Variants in CERS1 observed in about 807,000 individuals in gnomAD.
CERS1 encodes the protein Embryonic growth/differentiation factor 1.
CERS1 carries 16 observed loss-of-function variants against 35.7 expected under a neutral mutation model. The observed-to-expected ratio is 0.45, with a 90% CI of 0.30 to 0.68. The LOEUF is 0.68. CERS1 is among the 30% of genes least tolerant of loss of function. CERS1 has a pLI of 0.08. For synonymous variants in CERS1, 243 were observed against 201.6 expected, an observed-to-expected ratio of 1.21 and a Z score of -1.74; for missense variants, 454 against 453.9, an observed-to-expected ratio of 1.00 and a Z score of 0.00.
At chr19:18,876,940 G>A (rs2056070618) in intron 6 of CERS1, among the ~76,000 whole-genome samples, 2 of 152,142 alleles carry the variant, frequency 1.3e-5, no homozygotes, top group South Asian at 2.1e-4. Flanking sequence ...CTGTCTCCTT[G>A]GTCTCCTCTG....
chr19:18,873,240 A>G (rs2056006012), intron 6 of CERS1, among the ~76,000 whole-genome samples: 1 of 152,104 alleles, frequency 6.6e-6, no homozygotes, highest in Non-Finnish European at 1.5e-5. Context: ...AGATGCTGGA[A>G]ATGTCAAACA....
At chr19:18,893,717 A>G (rs2056554702) in intron 1 of CERS1, 142 bp from the exon 2 acceptor site, 3 of 832,064 alleles carry the variant, frequency 3.6e-6, no homozygotes, top group Non-Finnish European at 5.5e-6. Context: ...AGCCACCTGG[A>G]GCATAAACAG....
chr19:18,895,467 C>T lies in CERS1; in HGVS notation c.249+357G>A, dbSNP rs964328959. ...GGCCGGAGCCATCCACCGCGCGGGG[C>T]CCCCTGGTCCCAAACTGACCGGAAA... On this transcript the variant is annotated intron_variant, in intron 1 of 7. Transcript: ENST00000623882. The surrounding 1 kb of genome is among the most constrained non-coding windows in gnomAD (Gnocchi z 6.4). 6.6e-6 allele frequency among the ~76,000 whole-genome samples: 1 copy of T among 151,780 alleles called. No individual in the cohort carries two copies. Among genetic ancestry groups the T allele is most frequent in the African/African-American group, 2.4e-5 (1 of 41,312 alleles).
At position 18,870,934 on chromosome 19, in the gene CERS1, G is replaced by C. The variant is rs569888260; in HGVS notation, c.1011-315C>G. Among the ~76,000 whole-genome samples, 2 of 151,966 alleles carry C rather than the reference G, an allele frequency of 1.3e-5. No homozygotes were observed. The highest frequency in any genetic ancestry group is 2.9e-5 in the Non-Finnish European group (2 of 68,000). On this transcript the variant is annotated intron_variant, in intron 6 of 7. Transcript: ENST00000623882. This position sits in a 1 kb window ranked among gnomAD's most constrained non-coding sequence, Gnocchi z 5.1. The stretch of plus-strand genomic sequence containing the variant: ...CAGGCCGCTGGAGGGCAAAACCCAC[G>C]TACCGGCCTGGGCCTGACAACTCCA...
intron 6 of CERS1, among the ~76,000 whole-genome samples, chr19:18,873,481 G>A (rs896828448): frequency 6.6e-6 from 1 of 151,948 alleles, no homozygotes; most frequent in Non-Finnish European, 1.5e-5. Context: ...TGGATCACCT[G>A]ACCCTAGGAG....
rs569888260 is a variant in CERS1 at position 18,870,934 on chromosome 19, G to A, written c.1011-315C>T. 1.3e-5 allele frequency among the ~76,000 whole-genome samples: 2 copies of A among 152,084 alleles called. No homozygotes were observed. Among genetic ancestry groups the A allele is most frequent in the South Asian group, 4.2e-4 (2 of 4,818 alleles). ...CAGGCCGCTGGAGGGCAAAACCCAC[G>A]TACCGGCCTGGGCCTGACAACTCCA... On this transcript the variant is annotated intron_variant, in intron 6 of 7. Coordinates refer to ENST00000623882, the MANE Select transcript of CERS1 (RefSeq NM_021267.5). This position sits in a 1 kb window ranked among gnomAD's most constrained non-coding sequence, Gnocchi z 5.1.
rs1601161236 is a variant in CERS1, at chr19:18,878,755, G to A, written c.1010+175C>T. On this transcript the variant is annotated intron_variant, in intron 6 of 7. Transcript: ENST00000623882. The surrounding 1 kb of genome is among the most constrained non-coding windows in gnomAD (Gnocchi z 4.6). ...CCCTTCCTCACTGTCCTGTCCTTCAGGGTACTGGCCACATCGTCCACGCCT... is the reference window on the plus strand; with the variant it reads ...CCCTTCCTCACTGTCCTGTCCTTCAAGGTACTGGCCACATCGTCCACGCCT... 1 of 1,422,150 alleles carries A rather than the reference G, an allele frequency of 7.0e-7. No individual in the cohort carries two copies. Among genetic ancestry groups the A allele is most frequent in the South Asian group, 1.5e-5 (1 of 68,146 alleles). 88.1% of individuals were successfully genotyped at this position (1,422,150 alleles called of 1,614,324 possible). A position where few individuals can be genotyped will look rare whatever the true frequency, so the allele number is the denominator to read the frequency against.
In CERS1 at chr19:18,895,462, CGG is replaced by C. The variant is rs1352320633; in HGVS notation, c.249+360_249+361del. Among the ~76,000 whole-genome samples the C allele has an allele frequency of 6.6e-6, 1 of 151,240 alleles. No homozygotes were observed. Among genetic ancestry groups the C allele is most frequent in the Admixed American group, 6.6e-5 (1 of 15,230 alleles). ...GCGGTGGCCGGAGCCATCCACCGCG[CGG>C]GGCCCCCTGGTCCCAAACTGACCGG... On this transcript the variant is annotated intron_variant, in intron 1 of 7. Coordinates refer to ENST00000623882, the MANE Select transcript of CERS1 (RefSeq NM_021267.5). The surrounding 1 kb of genome is among the most constrained non-coding windows in gnomAD (Gnocchi z 6.4).
intron 2 of CERS1, 97 bp downstream of exon 2, chr19:18,893,319 A>G: frequency 7.3e-7 from 1 of 1,378,990 alleles, no homozygotes; most frequent in Middle Eastern, 1.9e-4. Context: ...GGCTCCAGTG[A>G]TCCTCCTGCT....
chr19:18,896,468 G>A (rs1484759710), upstream of CERS1: 1 of 152,144 alleles, frequency 6.6e-6, no homozygotes, highest in Non-Finnish European at 1.5e-5. The surrounding 1 kb of genome is among the most constrained non-coding windows in gnomAD (Gnocchi z 5.9). Flanking sequence ...GACACTAGCA[G>A]GCAGTCCCCT....
chr19:18,893,785 G>A, intron 1 of CERS1, among the ~76,000 whole-genome samples: 1 of 152,092 alleles, frequency 6.6e-6, no homozygotes, highest in East Asian at 1.9e-4. Context: ...CCGCCGCGGT[G>A]CTGGGAGGGG....
At chr19:18,885,896 C>T (rs574693506) in intron 2 of CERS1, among the ~76,000 whole-genome samples, 3 of 152,260 alleles carry the variant, frequency 2.0e-5, no homozygotes, top group South Asian at 2.1e-4. Flanking sequence ...CTGACAGATG[C>T]GGCTGCCCAC....
At chr19:18,883,844 GCCTGTTTCAC>G (rs1157792720) in intron 3 of CERS1, among the ~76,000 whole-genome samples, 1 of 152,134 alleles carries the variant, frequency 6.6e-6, no homozygotes, top group Non-Finnish European at 1.5e-5. Context: ...GGCTCTCTGG[GCCTGTTTCAC>G]CCCATCCCAG....
intron 1 of CERS1, among the ~76,000 whole-genome samples, chr19:18,894,511 G>C (rs926094642): frequency 1.3e-5 from 2 of 152,150 alleles, no homozygotes; most frequent in Non-Finnish European, 2.9e-5. Flanking sequence ...CACCCAAGGG[G>C]CTGGGGAGGG....
At chr19:18,879,491 C>T (rs2056141372) in intron 4 of CERS1, 103 bp from the exon 5 acceptor site, 2 of 1,356,170 alleles carry the variant, frequency 1.5e-6, no homozygotes, top group South Asian at 1.4e-5. Context: ...CTTATCCCAT[C>T]CTTGCCCACC....
rs2056550951 is a variant in CERS1, at chr19:18,893,592, AGGCG to A, written c.250-21_250-18del. The A allele has an allele frequency of 6.3e-7, 1 of 1,598,072 alleles. No homozygotes were observed. Among genetic ancestry groups the A allele is most frequent in the Non-Finnish European group, 8.5e-7 (1 of 1,174,062 alleles). On this transcript the variant is annotated intron_variant, in intron 1 of 7. Transcript: ENST00000623882. ...CGCCAGGGGCTATGGGGGAGAAGAC[AGGCG>A]GGCAGCCATTGGTGCTGGGGGCCAG...
chr19:18,869,407 A>G lies in CERS1; in HGVS notation c.*595-17T>C, dbSNP rs1290474649. 1.3e-6 allele frequency: 2 copies of G among 1,526,192 alleles called. No individual in the cohort carries two copies. The highest frequency in any genetic ancestry group is 1.7e-6 in the Non-Finnish European group (2 of 1,142,998). 94.5% of individuals were successfully genotyped at this position (1,526,192 alleles called of 1,614,324 possible). Reference sequence around the variant, plus strand: ...TGGGCGCACCTGGGGAGGTAGGAACAGGAACTCGGCTCGCGCTGCGTCCCC... The same window carrying G: ...TGGGCGCACCTGGGGAGGTAGGAACGGGAACTCGGCTCGCGCTGCGTCCCC... On this transcript the variant is annotated splice_polypyrimidine_tract_variant and intron_variant, in intron 7 of 7. Transcript: ENST00000623882.
chr19:18,883,583 G>A (rs1035981901), intron 3 of CERS1, among the ~76,000 whole-genome samples: 3 of 152,170 alleles, frequency 2.0e-5, no homozygotes, highest in Admixed American at 1.3e-4. Flanking sequence ...ATTTTCACTC[G>A]TTTGTATGTG....
Position 18,868,875 on chromosome 19 carries a change from A to C in CERS1, c.*1110T>G. 7 of 1,435,862 alleles carry C rather than the reference A, an allele frequency of 4.9e-6. No homozygotes were observed. The highest frequency in any genetic ancestry group is 6.4e-6 in the Non-Finnish European group (7 of 1,087,300). 88.9% of individuals were successfully genotyped at this position (1,435,862 alleles called of 1,614,324 possible). ...CGCGGCGCGATGACCCAGCGGTGCC[A>C]GCCCACCTCGCGGAAGCTCACGTAC... On this transcript the variant is annotated 3_prime_UTR_variant, in exon 8 of 8. Coordinates refer to ENST00000623882, the MANE Select transcript of CERS1 (RefSeq NM_021267.5).
Sources: gnomAD v4.1 joint callset for allele counts (sites outside exome capture counted in the v4.1 genomes callset) on GRCh38, gnomAD v4.1.1 for gene constraint, Gnocchi (gnomAD v3.1) non-coding constraint, MANE v1.5 for transcripts, NCBI Gene and HGNC (gene_info 2026-07-23, HGNC 2026-07-21) for gene names.